Variants in RAB10 observed in about 807,000 individuals in gnomAD.
The protein encoded by RAB10 is ras-related protein Rab-10.
In RAB10, 5 loss-of-function variants were observed where a neutral mutation model predicts 25.7. The ratio of observed to expected loss-of-function variants is 0.19; its 90% CI spans 0.10 to 0.41. The LOEUF is 0.41. Ranked by LOEUF, RAB10 falls within the 10% of genes least tolerant of loss-of-function variation. The pLI is 1.00. For synonymous variants in RAB10, 89 were observed against 86.4 expected, an observed-to-expected ratio of 1.03 and a Z score of -0.16; for missense variants, 103 against 245.8, an observed-to-expected ratio of 0.42 and a Z score of 3.89.
chr2:26,052,534 TC>T (rs1217479740), intron 1 of RAB10, among the ~76,000 whole-genome samples: 6 of 151,310 alleles, frequency 4.0e-5, no homozygotes, highest in African/African-American at 1.5e-4. Flanking sequence ...TGGTCTTGTT[TC>T]TGGAGCCATT....
chr2:26,092,656 T>C (rs1487774455), intron 1 of RAB10, among the ~76,000 whole-genome samples: 1 of 152,150 alleles, frequency 6.6e-6, no homozygotes, highest in African/African-American at 2.4e-5. Context: ...ATGCCTAGTT[T>C]CCATGCCAGG....
intron 2 of RAB10, among the ~76,000 whole-genome samples, chr2:26,105,105 C>T (rs1466978552): frequency 1.3e-5 from 2 of 152,068 alleles, no homozygotes; most frequent in East Asian, 3.9e-4. Flanking sequence ...TGGATATATT[C>T]AGTTGTTCCA....
chr2:26,123,196 G>A (rs180944638), intron 3 of RAB10, among the ~76,000 whole-genome samples: 65 of 152,166 alleles, frequency 4.3e-4, no homozygotes, highest in Admixed American at 2.0e-3. Context: ...TGCCATTATG[G>A]GACAGCCCTT....
intron 3 of RAB10, among the ~76,000 whole-genome samples, chr2:26,120,006 T>G (rs1442494963): frequency 6.6e-6 from 1 of 152,252 alleles, no homozygotes; most frequent in African/African-American, 2.4e-5. Flanking sequence ...GCTGAAAATA[T>G]CTTAACACTT....
chr2:26,095,013 G>A (rs1390058311), intron 1 of RAB10, among the ~76,000 whole-genome samples: 2 of 152,090 alleles, frequency 1.3e-5, no homozygotes, highest in East Asian at 3.8e-4. Flanking sequence ...TTTATTTGTG[G>A]GAATCCTGTA....
At chr2:26,082,362 G>T (rs1460779183) in intron 1 of RAB10, among the ~76,000 whole-genome samples, 1 of 152,034 alleles carries the variant, frequency 6.6e-6, no homozygotes, top group Admixed American at 6.6e-5. Flanking sequence ...CTTAAAGTTG[G>T]AGTGCTATAT....
chr2:26,118,282 T>C (rs1667733752), intron 3 of RAB10, among the ~76,000 whole-genome samples: 1 of 151,840 alleles, frequency 6.6e-6, no homozygotes, highest in African/African-American at 2.4e-5. Flanking sequence ...AAAGATGTTC[T>C]TTTAGCTCCA....
At chr2:26,043,428 AAAC>A (rs1416732028) in intron 1 of RAB10, among the ~76,000 whole-genome samples, 1 of 152,202 alleles carries the variant, frequency 6.6e-6, no homozygotes, top group Admixed American at 6.6e-5. Context: ...GTCTCAAAAC[AAAC>A]AACAACAAAA....
At chr2:26,067,487 G>C (rs1032630521) in intron 1 of RAB10, among the ~76,000 whole-genome samples, 4 of 152,184 alleles carry the variant, frequency 2.6e-5, no homozygotes, top group African/African-American at 9.6e-5. Flanking sequence ...ATGGCTTCTT[G>C]TTGGCTGAGG....
At chr2:26,088,893 G>C (rs571617139) in intron 1 of RAB10, among the ~76,000 whole-genome samples, 7 of 151,816 alleles carry the variant, frequency 4.6e-5, no homozygotes, top group Non-Finnish European at 8.8e-5. Flanking sequence ...AAAGTGCTGG[G>C]ATTACAGGCA....
intron 3 of RAB10, among the ~76,000 whole-genome samples, chr2:26,117,716 G>A (rs1277378139): frequency 6.6e-6 from 1 of 152,134 alleles, no homozygotes; most frequent in Non-Finnish European, 1.5e-5. Flanking sequence ...AGCCTGGGAG[G>A]TGAGAGGAGC....
At chr2:26,104,087 C>G (rs1367089742) in intron 2 of RAB10, among the ~76,000 whole-genome samples, 1 of 152,134 alleles carries the variant, frequency 6.6e-6, no homozygotes, top group Non-Finnish European at 1.5e-5. Context: ...GTTTTCATTT[C>G]TTTTGGTTAT....
intron 3 of RAB10, 93 bp from the exon 4 acceptor site, chr2:26,127,051 G>T: frequency 1.1e-6 from 1 of 908,856 alleles, no homozygotes; most frequent in South Asian, 1.7e-5. Flanking sequence ...CTATAGAAAT[G>T]ACCCTCTAAA....
intron 1 of RAB10, among the ~76,000 whole-genome samples, chr2:26,038,711 A>T (rs1421644784): frequency 6.6e-6 from 1 of 151,558 alleles, no homozygotes; most frequent in East Asian, 2.0e-4. Flanking sequence ...TCACGAGGTC[A>T]GGAGATCGAG....
intron 1 of RAB10, among the ~76,000 whole-genome samples, chr2:26,051,366 C>A (rs1377027809): frequency 1.7e-4 from 8 of 45,938 alleles, no homozygotes; most frequent in Non-Finnish European, 2.6e-4. Context: ...TTTTGCCCCC[C>A]CCCCCCCCCC....
At chr2:26,073,050 C>T (rs1666660847) in intron 1 of RAB10, among the ~76,000 whole-genome samples, 2 of 152,130 alleles carry the variant, frequency 1.3e-5, no homozygotes, top group South Asian at 4.2e-4. Context: ...TAGATTTGAT[C>T]CAAGTTTCAG....
At chr2:26,076,167 A>G (rs149611296) in intron 1 of RAB10, among the ~76,000 whole-genome samples, 2,067 of 151,652 alleles carry the variant, frequency 0.014, 25 homozygotes, top group Non-Finnish European at 0.022. Context: ...TTTAATCCCC[A>G]TAACATATTG....
upstream of RAB10, among the ~76,000 whole-genome samples, chr2:26,033,626 A>G (rs903359087): frequency 3.3e-5 from 5 of 152,252 alleles, no homozygotes; most frequent in African/African-American, 1.2e-4. Flanking sequence ...CTACACGGGA[A>G]CACATGGCCA....
At chr2:26,043,033 A>C (rs1665925469) in intron 1 of RAB10, among the ~76,000 whole-genome samples, 1 of 152,200 alleles carries the variant, frequency 6.6e-6, no homozygotes. Context: ...GTGCAGCCAC[A>C]GTGAGAAACA....
Sources: allele counts gnomAD v4.1 joint callset (sites outside exome capture counted in the v4.1 genomes callset), GRCh38; gene constraint gnomAD v4.1.1; transcripts MANE v1.5; gene names NCBI Gene and HGNC (gene_info 2026-07-23, HGNC 2026-07-21).